The following PTPRT variants were observed in gnomAD, a reference collection of about 807,000 sequenced individuals.
PTPRT encodes the protein receptor-type tyrosine-protein phosphatase T.
PTPRT carries 56 observed loss-of-function variants against 176.8 expected under a neutral mutation model. The observed-to-expected ratio is 0.32, with a 90% CI of 0.26 to 0.40. PTPRT has a LOEUF of 0.40. PTPRT is among the 10% of genes least tolerant of loss of function. The probability of loss-of-function intolerance (pLI) is 1.00; values close to 1 mark genes in which losing one functional copy is unlikely to be tolerated. For synonymous variants in PTPRT, 783 were observed against 739.0 expected, an observed-to-expected ratio of 1.06 and a Z score of -0.96; for missense variants, 1,540 against 1,908.2, an observed-to-expected ratio of 0.81 and a Z score of 3.60.
intron 1 of PTPRT, among the ~76,000 whole-genome samples, chr20:42,888,215 T>C (rs2079133855): frequency 1.3e-5 from 2 of 152,170 alleles, no homozygotes; most frequent in Admixed American, 1.3e-4. Context: ...ATATCAGCAT[T>C]CAACTTTTCA....
chr20:42,849,223 G>T (rs978965738), intron 2 of PTPRT, among the ~76,000 whole-genome samples: 1 of 152,168 alleles, frequency 6.6e-6, no homozygotes, highest in South Asian at 2.1e-4. Context: ...CTTTCTGACA[G>T]CCAAGGGGTA....
chr20:43,182,386 T>A lies in PTPRT; in HGVS notation c.88+7260A>T, dbSNP rs535426602. Among the ~76,000 whole-genome samples, 4 of 151,472 alleles carry A rather than the reference T, an allele frequency of 2.6e-5. No homozygotes were observed. The East Asian group carries it at 7.7e-4, about 29-fold the overall frequency. The stretch of plus-strand genomic sequence containing the variant: ...TAAGAAAGTTAGAAGTTTGCAAACA[T>A]CTTCCTTCTTTTTTTTTTTTCCGAG... On this transcript the variant is annotated intron_variant, in intron 1 of 30. Coordinates refer to ENST00000373187, the MANE Select transcript of PTPRT (RefSeq NM_007050.6).
At chr20:43,059,100 G>A (rs780271383) in intron 1 of PTPRT, among the ~76,000 whole-genome samples, 1 of 152,200 alleles carries the variant, frequency 6.6e-6, no homozygotes, top group African/African-American at 2.4e-5. Flanking sequence ...GCAGGGGCAG[G>A]TCTGACGATC....
At chr20:43,178,678 G>A (rs1484577940) in intron 1 of PTPRT, among the ~76,000 whole-genome samples, 1 of 152,170 alleles carries the variant, frequency 6.6e-6, no homozygotes, top group Non-Finnish European at 1.5e-5. Context: ...AAGTGCATTT[G>A]TGCAGGTTCC....
At chr20:42,582,353 C>T (rs995855511) in intron 7 of PTPRT, among the ~76,000 whole-genome samples, 1 of 152,118 alleles carries the variant, frequency 6.6e-6, no homozygotes, top group Admixed American at 6.5e-5. Flanking sequence ...AGCTCTGAGG[C>T]TAGAGGTGGA....
In PTPRT at chr20:42,418,701, G is replaced by A. The variant is rs189840064; in HGVS notation, c.1560+29519C>T. Among the ~76,000 whole-genome samples the A allele has an allele frequency of 5.9e-5, 9 of 152,244 alleles. No homozygotes were observed. In the South Asian group the frequency reaches 8.3e-4, roughly 14 times the overall value. Reference sequence around the variant, plus strand: ...CCCAGGCTCTCAGGTATGTACTGCCGCTCAGATCTGGAGAGGGGTAGGGTA... The same window carrying A: ...CCCAGGCTCTCAGGTATGTACTGCCACTCAGATCTGGAGAGGGGTAGGGTA... On this transcript the variant is annotated intron_variant, in intron 9 of 30. Coordinates refer to ENST00000373187, the MANE Select transcript of PTPRT (RefSeq NM_007050.6).
intron 1 of PTPRT, among the ~76,000 whole-genome samples, chr20:43,091,486 T>C (rs2011858167): frequency 6.9e-6 from 1 of 145,974 alleles, no homozygotes; most frequent in Non-Finnish European, 1.5e-5. Flanking sequence ...TCTCTCTCTC[T>C]CTCTATTTCT....
intron 6 of PTPRT, among the ~76,000 whole-genome samples, chr20:42,679,977 G>T (rs1481816864): frequency 4.6e-5 from 7 of 152,188 alleles, no homozygotes; most frequent in African/African-American, 1.7e-4. Context: ...AGTAGAACAA[G>T]GAAGAGGAGA....
At chr20:42,444,586 A>G (rs2059346963) in intron 9 of PTPRT, among the ~76,000 whole-genome samples, 2 of 151,664 alleles carry the variant, frequency 1.3e-5, no homozygotes, top group South Asian at 4.2e-4. Context: ...TAGTAATGAA[A>G]CTTCCCTCCT....
intron 16 of PTPRT, among the ~76,000 whole-genome samples, chr20:42,166,087 A>G (rs1205870634): frequency 6.6e-6 from 1 of 152,230 alleles, no homozygotes; most frequent in Non-Finnish European, 1.5e-5. Flanking sequence ...ATTTCAATTC[A>G]GACTGGCCAT....
Position 42,082,169 on chromosome 20 carries a change from G to A in PTPRT, c.4137-152C>T, listed in dbSNP as rs1568907238. ...GGCTTTAGCCTGAGCCATGAGTTAT[G>A]GTTTGAGTCCCATCTGTGCCATTAA... is the stretch of plus-strand genomic sequence containing the variant. On this transcript the variant is annotated intron_variant, in intron 29 of 30. Transcript: ENST00000373187. The A allele has an allele frequency of 2.3e-5, 27 of 1,165,176 alleles. No homozygotes were observed. In the South Asian group the frequency reaches 4.0e-4, roughly 17 times the overall value. The allele number at this position is 1,165,176 out of a possible 1,614,324, so 72.2% of individuals were successfully genotyped here.
intron 7 of PTPRT, among the ~76,000 whole-genome samples, chr20:42,671,626 A>G (rs1216295183): frequency 1.3e-5 from 2 of 152,200 alleles, no homozygotes; most frequent in African/African-American, 2.4e-5. Flanking sequence ...CTGTTTTGAT[A>G]TAATTATTCA....
intron 13 of PTPRT, among the ~76,000 whole-genome samples, chr20:42,271,753 A>G (rs2056939387): frequency 1.3e-5 from 2 of 152,170 alleles, no homozygotes; most frequent in African/African-American, 4.8e-5. Flanking sequence ...CTAAAGAAAA[A>G]CATACAAAAG....
chr20:42,740,826 T>G (rs1271276532), intron 6 of PTPRT, among the ~76,000 whole-genome samples: 1 of 152,154 alleles, frequency 6.6e-6, no homozygotes, highest in African/African-American at 2.4e-5. Flanking sequence ...AGACCAGAGC[T>G]GCCACCAAGA....
At chr20:42,780,985 G>C (rs912770620) in intron 3 of PTPRT, among the ~76,000 whole-genome samples, 2 of 152,018 alleles carry the variant, frequency 1.3e-5, no homozygotes, top group Non-Finnish European at 2.9e-5. Flanking sequence ...TGGTTCCAAT[G>C]GCCTTCTTCA....
intron 9 of PTPRT, among the ~76,000 whole-genome samples, chr20:42,441,814 T>C (rs1050591979): frequency 1.3e-5 from 2 of 152,182 alleles, no homozygotes; most frequent in African/African-American, 4.8e-5. Flanking sequence ...AAACAAGAGC[T>C]TTTTTCCTTG....
chr20:42,392,794 G>C (rs964334269), intron 9 of PTPRT, among the ~76,000 whole-genome samples: 3 of 152,134 alleles, frequency 2.0e-5, no homozygotes, highest in Admixed American at 6.5e-5. Flanking sequence ...GGTGGTGCAG[G>C]GAAGAAAAGA....
At chr20:42,645,786 G>C (rs1468808333) in intron 7 of PTPRT, among the ~76,000 whole-genome samples, 4 of 151,738 alleles carry the variant, frequency 2.6e-5, no homozygotes, top group Admixed American at 2.6e-4. Flanking sequence ...GTGTGTGTGT[G>C]TGTGTGTGTG....
chr20:42,335,551 T>A (rs953716839), intron 11 of PTPRT, among the ~76,000 whole-genome samples: 1 of 152,054 alleles, frequency 6.6e-6, no homozygotes, highest in Non-Finnish European at 1.5e-5. Flanking sequence ...CTTCTATAAA[T>A]AAGAAGTGAA....
Sources: allele counts gnomAD v4.1 joint callset (sites outside exome capture counted in the v4.1 genomes callset), GRCh38; gene constraint gnomAD v4.1.1; transcripts MANE v1.5; gene names NCBI Gene and HGNC (gene_info 2026-07-23, HGNC 2026-07-21).